The following NCAM1 variants were observed in gnomAD, a reference collection of about 807,000 sequenced individuals.
NCAM1 encodes the protein antigen recognized by monoclonal antibody 5.1H11.
Under a neutral mutation model 109.8 loss-of-function variants are expected in NCAM1, and 14 were observed. That is an observed-to-expected ratio of 0.13 (90% CI 0.08 to 0.20). The LOEUF (loss-of-function observed/expected upper bound fraction) is 0.20. NCAM1 is among the 10% of genes least tolerant of loss of function. The probability of loss-of-function intolerance (pLI) is 1.00; values close to 1 mark genes in which losing one functional copy is unlikely to be tolerated. For missense variants in NCAM1, 774 were observed against 1,109.9 expected, an observed-to-expected ratio of 0.70 and a Z score of 4.30; for synonymous variants, 418 against 442.9, an observed-to-expected ratio of 0.94 and a Z score of 0.70.
chr11:113,232,399 G>T, intron 11 of NCAM1, 45 bp downstream of exon 11: 2 of 1,536,986 alleles, frequency 1.3e-6, no homozygotes, highest in South Asian at 2.5e-5. Context: ...AGCACAGTTT[G>T]ACTCTAGGTG....
At chr11:113,194,676 G>T (rs1425450312) in intron 1 of NCAM1, among the ~76,000 whole-genome samples, 1 of 152,000 alleles carries the variant, frequency 6.6e-6, no homozygotes, top group Non-Finnish European at 1.5e-5. Flanking sequence ...CTTTCCCTCC[G>T]CCTTTTGTCT....
rs374776407 is a variant in NCAM1 at position 113,258,596 on chromosome 11, T to A, written c.1954-1550T>A. 1.4e-3 allele frequency among the ~76,000 whole-genome samples: 206 copies of A among 152,346 alleles called. 6 individuals carry two copies. In the South Asian group the frequency reaches 0.041, roughly 30 times the overall value. On this transcript the variant is annotated intron_variant, in intron 16 of 19. Transcript: ENST00000316851. ...GTGTTTGATAGATCAGTAGGGTGAC[T>A]GTAGTTCACAATTACCTATTGTATA...
chr11:113,157,325 A>G (rs904804862), intron 1 of NCAM1, among the ~76,000 whole-genome samples: 1 of 152,246 alleles, frequency 6.6e-6, no homozygotes, highest in Non-Finnish European at 1.5e-5. Flanking sequence ...GAGCAGATGC[A>G]CACATCCAAG....
At chr11:113,098,361 G>A (rs898129297) in intron 1 of NCAM1, among the ~76,000 whole-genome samples, 17 of 152,290 alleles carry the variant, frequency 1.1e-4, no homozygotes, top group African/African-American at 4.1e-4. Flanking sequence ...ACATCCTCCT[G>A]TATGATTGAA....
rs1941942762 is a variant in NCAM1 at position 113,144,510 on chromosome 11, A to G, written c.53-57869A>G. Among the ~76,000 whole-genome samples, 3 of 152,342 alleles carry G rather than the reference A, an allele frequency of 2.0e-5. No individual in the cohort carries two copies. In the South Asian group the frequency reaches 6.2e-4, roughly 32 times the overall value. On this transcript the variant is annotated intron_variant, in intron 1 of 19. Coordinates refer to ENST00000316851, the MANE Select transcript of NCAM1 (RefSeq NM_181351.5). ...TTATTGTAATTAGAAAAAGATGTAT[A>G]TATTTTAAAAAATGGAATAACCACT...
At chr11:113,219,274 G>A (rs1322394997) in intron 8 of NCAM1, among the ~76,000 whole-genome samples, 2 of 152,066 alleles carry the variant, frequency 1.3e-5, no homozygotes, top group East Asian at 1.9e-4. Flanking sequence ...TCCTTTTCAC[G>A]AGAAAAAAAT....
rs1315114755 is a variant in NCAM1 at position 113,064,802 on chromosome 11, C to T, written c.52+103138C>T. 2.0e-5 allele frequency among the ~76,000 whole-genome samples: 3 copies of T among 152,084 alleles called. No homozygotes were observed. The East Asian group carries it at 5.8e-4, about 29-fold the overall frequency. On this transcript the variant is annotated intron_variant, in intron 1 of 19. Transcript: ENST00000316851. The stretch of plus-strand genomic sequence containing the variant: ...TTTTCTTCTGAGGCACTTTTAAAAA[C>T]TTAAAGGTGTTAATTTTTTTTTCTG...
intron 1 of NCAM1, among the ~76,000 whole-genome samples, chr11:113,037,823 C>T (rs1314077458): frequency 1.3e-5 from 2 of 152,214 alleles, no homozygotes; most frequent in African/African-American, 2.4e-5. Flanking sequence ...TAGCCTCCTC[C>T]GTAGTCCTTA....
intron 1 of NCAM1, among the ~76,000 whole-genome samples, chr11:113,039,637 G>A (rs1251810319): frequency 2.6e-5 from 4 of 152,100 alleles, no homozygotes; most frequent in Non-Finnish European, 2.9e-5. Flanking sequence ...GTCAGACCCT[G>A]GAGAAATATA....
intron 17 of NCAM1, 63 bp from the exon 18 acceptor site, chr11:113,270,125 G>A (rs181132245): frequency 6.5e-7 from 1 of 1,538,732 alleles, no homozygotes; most frequent in East Asian, 2.2e-5. Flanking sequence ...GGCTTTTGCT[G>A]GCAGGGTCTG....
rs1555117624 is a variant in NCAM1, at chr11:113,233,151, C to G, written c.1527C>G (p.Thr509=). ...CCATATGTGTCTTCCCCACAGACACCCCCTCTTCACCATCCATCGACCAGG... is the reference window on the plus strand; with the variant it reads ...CCATATGTGTCTTCCCCACAGACACGCCCTCTTCACCATCCATCGACCAGG... ...SLEFILVQAD[T]PSSPSIDQVE... Residue 509 remains threonine, a synonymous_variant, in exon 13 of 20, where the codon ACC becomes ACG. Coordinates refer to ENST00000316851, the MANE Select transcript of NCAM1 (RefSeq NM_181351.5). The surrounding 1 kb of genome is among the most constrained non-coding windows in gnomAD (Gnocchi z 4.5). 1.2e-6 allele frequency: 2 copies of G among 1,612,366 alleles called. No individual in the cohort carries two copies. Among genetic ancestry groups the G allele is most frequent in the East Asian group, 2.2e-5 (1 of 44,882 alleles).
intron 13 of NCAM1, among the ~76,000 whole-genome samples, chr11:113,234,436 C>G (rs117660538): frequency 0.014 from 2,115 of 152,302 alleles, 20 homozygotes; most frequent in Non-Finnish European, 0.021. Flanking sequence ...CCATTAAACA[C>G]TAGCTCTTCA....
intron 1 of NCAM1, among the ~76,000 whole-genome samples, chr11:113,161,603 A>G (rs561289851): frequency 1.3e-5 from 2 of 152,362 alleles, no homozygotes; most frequent in African/African-American, 2.4e-5. Context: ...TGCTTTTATC[A>G]TAGATAAACC....
chr11:113,129,287 T>C (rs1304561190), intron 1 of NCAM1, among the ~76,000 whole-genome samples: 3 of 152,182 alleles, frequency 2.0e-5, no homozygotes, highest in Non-Finnish European at 4.4e-5. Flanking sequence ...GCTTGGTATC[T>C]TAGGGCCAAG....
At chr11:113,243,059 T>C in intron 14 of NCAM1, 7 of 867,678 alleles carry the variant, frequency 8.1e-6, no homozygotes, top group South Asian at 5.3e-5. Flanking sequence ...GGGTTGATTA[T>C]TGGAAGAATA....
intron 1 of NCAM1, among the ~76,000 whole-genome samples, chr11:113,129,775 T>G (rs1445260540): frequency 2.6e-5 from 4 of 152,192 alleles, no homozygotes; most frequent in African/African-American, 9.7e-5. Context: ...ACATCCTGAA[T>G]AAAGAAGATA....
At chr11:113,208,050 C>T in intron 7 of NCAM1, 48 bp downstream of exon 7, 1 of 1,556,358 alleles carries the variant, frequency 6.4e-7, no homozygotes, top group African/African-American at 1.4e-5. Context: ...AATTCCCCTT[C>T]CTCTGCACAT....
chr11:113,261,191 C>G (rs781985281), intron 17 of NCAM1, among the ~76,000 whole-genome samples: 5 of 152,024 alleles, frequency 3.3e-5, no homozygotes, highest in Non-Finnish European at 7.4e-5. Flanking sequence ...CCTTGGGCAG[C>G]CCCCCTCATG....
chr11:112,972,688 G>T (rs13328864), intron 1 of NCAM1, among the ~76,000 whole-genome samples: 20,410 of 152,062 alleles, frequency 0.13, 1,412 homozygotes, highest in African/African-American at 0.14. Flanking sequence ...CAGTACTAAG[G>T]GTGGTTAAAA....
Sources: gnomAD v4.1 joint callset for allele counts (sites outside exome capture counted in the v4.1 genomes callset) on GRCh38, gnomAD v4.1.1 for gene constraint, Gnocchi (gnomAD v3.1) non-coding constraint, MANE v1.5 for transcripts, NCBI Gene and HGNC (gene_info 2026-07-23, HGNC 2026-07-21) for gene names.